The following KCNN2 variants were observed in gnomAD, a reference collection of about 807,000 sequenced individuals.
The protein encoded by KCNN2 is potassium calcium-activated channel subfamily N member 2.
Under a neutral mutation model 55.5 loss-of-function variants are expected in KCNN2, and 24 were observed. The observed-to-expected ratio is 0.43, with a 90% CI of 0.31 to 0.61. KCNN2 has a LOEUF of 0.61. KCNN2 is among the 20% of genes least tolerant of loss of function. The pLI is 0.08. For synonymous variants in KCNN2, 431 were observed against 336.1 expected (o/e 1.28, Z -3.09); for missense variants, 754 against 853.6 (o/e 0.88, Z 1.45).
chr5:114,111,179 G>A (rs2416356), intron 1 of KCNN2, among the ~76,000 whole-genome samples: 79,620 of 151,860 alleles, frequency 0.52, 22,178 homozygotes, highest in African/African-American at 0.73. Flanking sequence ...AACACCACAC[G>A]TCTACAACCA....
chr5:114,182,374 CA>C (rs1753257233), intron 1 of KCNN2, among the ~76,000 whole-genome samples: 1 of 151,854 alleles, frequency 6.6e-6, no homozygotes, highest in African/African-American at 2.4e-5. Context: ...GTATTTTTTT[CA>C]TATTTCCATA....
At chr5:114,242,428 C>T (rs569862284) in intron 2 of KCNN2, among the ~76,000 whole-genome samples, 1 of 152,288 alleles carries the variant, frequency 6.6e-6, no homozygotes, top group African/African-American at 2.4e-5. Flanking sequence ...ACATATCTAA[C>T]AGGCATTAAT....
At chr5:114,461,985 G>A (rs1761223950) in intron 3 of KCNN2, among the ~76,000 whole-genome samples, 1 of 152,206 alleles carries the variant, frequency 6.6e-6, no homozygotes, top group South Asian at 2.1e-4. Context: ...GAGATGGGAA[G>A]GAGTGATGGT....
chr5:114,392,722 C>T (rs1168668715), intron 2 of KCNN2, among the ~76,000 whole-genome samples: 2 of 151,726 alleles, frequency 1.3e-5, no homozygotes, highest in Non-Finnish European at 2.9e-5. Flanking sequence ...CCTGTAGTCT[C>T]ATTTCTTTGT....
chr5:114,327,571 G>A (rs1416289776), intron 2 of KCNN2, among the ~76,000 whole-genome samples: 5 of 152,282 alleles, frequency 3.3e-5, no homozygotes, highest in African/African-American at 1.2e-4. Flanking sequence ...AAAAAATTGA[G>A]TAGGACGCAG....
chr5:114,355,943 A>C (rs1757287126), intron 2 of KCNN2, among the ~76,000 whole-genome samples: 1 of 152,238 alleles, frequency 6.6e-6, no homozygotes, highest in Non-Finnish European at 1.5e-5. Context: ...TTTGTATTAT[A>C]TCCTCACAAA....
chr5:114,421,210 C>T (rs1759461323), intron 3 of KCNN2, among the ~76,000 whole-genome samples: 1 of 140,266 alleles, frequency 7.1e-6, no homozygotes, highest in African/African-American at 2.8e-5. Flanking sequence ...AGTGAACCAA[C>T]ATACATGAAA....
chr5:114,200,254 A>G (rs551915501), intron 1 of KCNN2, among the ~76,000 whole-genome samples: 98 of 152,120 alleles, frequency 6.4e-4, no homozygotes, highest in Admixed American at 1.7e-3. Flanking sequence ...GTCTTCTTCA[A>G]GTTCTGAGAT....
chr5:114,432,538 G>A (rs531016587), intron 3 of KCNN2, among the ~76,000 whole-genome samples: 2 of 152,138 alleles, frequency 1.3e-5, no homozygotes, highest in East Asian at 1.9e-4. Context: ...CACAGCCCTC[G>A]CTCGCTCTCG....
At chr5:114,094,713 A>G (rs1205252812) in intron 1 of KCNN2, among the ~76,000 whole-genome samples, 1 of 152,218 alleles carries the variant, frequency 6.6e-6, no homozygotes, top group Non-Finnish European at 1.5e-5. Flanking sequence ...ACCGGTTTAT[A>G]AAAACCTATT....
intron 2 of KCNN2, among the ~76,000 whole-genome samples, chr5:114,382,210 T>C (rs1325524091): frequency 1.3e-5 from 2 of 152,230 alleles, no homozygotes; most frequent in East Asian, 3.8e-4. Context: ...TATTCTGCAG[T>C]GCAATCCTTG....
At chr5:114,395,579 G>T (rs1758590446) in intron 2 of KCNN2, among the ~76,000 whole-genome samples, 1 of 152,114 alleles carries the variant, frequency 6.6e-6, no homozygotes, top group Non-Finnish European at 1.5e-5. Context: ...CATATATATT[G>T]TTAAGATTAT....
chr5:114,095,456 C>T (rs74532027), intron 1 of KCNN2, among the ~76,000 whole-genome samples: 1 of 152,028 alleles, frequency 6.6e-6, no homozygotes, highest in Non-Finnish European at 1.5e-5. Flanking sequence ...GGACTTAAAA[C>T]GAAGGCAGAT....
chr5:114,169,282 C>G (rs1325251966), intron 1 of KCNN2, among the ~76,000 whole-genome samples: 20 of 152,092 alleles, frequency 1.3e-4, no homozygotes, highest in Admixed American at 1.3e-3. Flanking sequence ...CAAATGGGAG[C>G]TTCTCATTGT....
chr5:114,092,420 T>G (rs1751164135), intron 1 of KCNN2, among the ~76,000 whole-genome samples: 1 of 152,168 alleles, frequency 6.6e-6, no homozygotes, highest in African/African-American at 2.4e-5. Context: ...CAGGCTGTTG[T>G]TGATTTTCTG....
At chr5:114,273,780 T>G (rs184896486) in intron 2 of KCNN2, among the ~76,000 whole-genome samples, 1 of 152,214 alleles carries the variant, frequency 6.6e-6, no homozygotes, top group Non-Finnish European at 1.5e-5. Flanking sequence ...TGCAAAAATT[T>G]TCTCCCATTC....
At chr5:114,468,829 A>G (rs1761572395) in intron 4 of KCNN2, among the ~76,000 whole-genome samples, 1 of 152,198 alleles carries the variant, frequency 6.6e-6, no homozygotes. Flanking sequence ...ATAGGCTTGT[A>G]TCCTTGTTAT....
chr5:114,061,558 C>T (rs935574202), intron 1 of KCNN2, among the ~76,000 whole-genome samples: 1 of 151,918 alleles, frequency 6.6e-6, no homozygotes, highest in African/African-American at 2.4e-5. Flanking sequence ...TACACTGTTC[C>T]CATTCAGGGA....
intron 2 of KCNN2, among the ~76,000 whole-genome samples, chr5:114,329,336 G>A (rs1393031508): frequency 6.6e-6 from 1 of 152,200 alleles, no homozygotes; most frequent in East Asian, 1.9e-4. Context: ...AGTGGACTGG[G>A]AGAGGCAGAC....
Sources: gnomAD v4.1 joint callset for allele counts (sites outside exome capture counted in the v4.1 genomes callset) on GRCh38, gnomAD v4.1.1 for gene constraint, MANE v1.5 for transcripts, NCBI Gene and HGNC (gene_info 2026-07-23, HGNC 2026-07-21) for gene names.